The following MYO3B variants were observed in gnomAD, a reference collection of about 807,000 sequenced individuals.
The protein encoded by MYO3B is myosin IIIB.
In MYO3B, 156 loss-of-function variants were observed where a neutral mutation model predicts 174.6. That is an observed-to-expected ratio of 0.89 (90% CI 0.78 to 1.02). MYO3B has a LOEUF of 1.02. Among genes scored for constraint, MYO3B ranks in the 50% least tolerant of loss-of-function variants. The pLI is 0.00. For synonymous variants in MYO3B, 563 were observed against 569.1 expected, an observed-to-expected ratio of 0.99 and a Z score of 0.15; for missense variants, 1,632 against 1,639.4, an observed-to-expected ratio of 1.00 and a Z score of 0.08.
chr2:170,358,012 TGCG>T (rs1250128422), intron 8 of MYO3B, among the ~76,000 whole-genome samples: 1 of 151,314 alleles, frequency 6.6e-6, no homozygotes, highest in African/African-American at 2.4e-5. Context: ...AGTAGCCAGG[TGCG>T]GTGGGGAGCG....
At chr2:170,475,090 ACTCAGTC>A (rs2105993282) in intron 25 of MYO3B, among the ~76,000 whole-genome samples, 1 of 152,116 alleles carries the variant, frequency 6.6e-6, no homozygotes, top group African/African-American at 2.4e-5. Context: ...ATTAGAGAAA[ACTCAGTC>A]TATTCTGGCC....
Position 170,651,646 on chromosome 2 carries a change from C to A in MYO3B, c.3752C>A (p.Ala1251Glu), listed in dbSNP as rs1699018000. The A allele has an allele frequency of 6.2e-7, 1 of 1,613,974 alleles. No individual in the cohort carries two copies. The highest frequency in any genetic ancestry group is 2.2e-5 in the East Asian group (1 of 44,898). ...PQKPGSENGL[A>E]QKHRTPRRRC... ...TTTTCAGGTTCAGAAAATGGTCTTGCACAGAAGCATCGAACACCTCGCCGA... is the reference window on the plus strand; with the variant it reads ...TTTTCAGGTTCAGAAAATGGTCTTGAACAGAAGCATCGAACACCTCGCCGA... The change falls in exon 33 of 35, where the codon GCA becomes GAA. Residue 1251 changes from alanine to glutamate, a missense_variant. Physicochemically the swap from Ala to Glu is moderately radical, Grantham distance 107 (BLOSUM62 -1). Transcript: ENST00000408978.
intron 23 of MYO3B, among the ~76,000 whole-genome samples, chr2:170,444,728 C>T (rs2094827955): frequency 6.6e-6 from 1 of 152,142 alleles, no homozygotes; most frequent in African/African-American, 2.4e-5. Flanking sequence ...ATTTACTTTT[C>T]TTGAGAATAA....
intron 32 of MYO3B, among the ~76,000 whole-genome samples, chr2:170,587,972 C>G (rs1027171668): frequency 6.6e-6 from 1 of 152,138 alleles, no homozygotes; most frequent in Non-Finnish European, 1.5e-5. Context: ...AAATAGATCT[C>G]TACATGGACT....
chr2:170,446,498 GTTA>G (rs1303916434), intron 23 of MYO3B, among the ~76,000 whole-genome samples: 1 of 152,022 alleles, frequency 6.6e-6, no homozygotes, highest in Non-Finnish European at 1.5e-5. Flanking sequence ...ATATATTTAC[GTTA>G]TTAATAATAA....
chr2:170,614,081 G>A (rs557680985), intron 32 of MYO3B, among the ~76,000 whole-genome samples: 17 of 151,958 alleles, frequency 1.1e-4, no homozygotes, highest in African/African-American at 3.1e-4. Flanking sequence ...TTCAATCCTC[G>A]TGCTCTCTCT....
At chr2:170,651,014 G>T in intron 32 of MYO3B, among the ~76,000 whole-genome samples, 1 of 152,112 alleles carries the variant, frequency 6.6e-6, no homozygotes, top group South Asian at 2.1e-4. Flanking sequence ...CTTGGTCCAG[G>T]GTTCTGAAAT....
intron 7 of MYO3B, among the ~76,000 whole-genome samples, 200 bp from the exon 8 acceptor site, chr2:170,335,185 G>A (rs1456688926): frequency 6.6e-6 from 1 of 152,178 alleles, no homozygotes; most frequent in Non-Finnish European, 1.5e-5. Context: ...CAGGGACATA[G>A]TAGGTCTTCA....
chr2:170,624,249 A>G (rs545504769), intron 32 of MYO3B, among the ~76,000 whole-genome samples: 1 of 152,066 alleles, frequency 6.6e-6, no homozygotes, highest in Non-Finnish European at 1.5e-5. Context: ...TTTATTTCGT[A>G]GAGCAGTGGT....
At chr2:170,522,022 G>A (rs1688698300) in intron 30 of MYO3B, among the ~76,000 whole-genome samples, 1 of 152,120 alleles carries the variant, frequency 6.6e-6, no homozygotes, top group South Asian at 2.1e-4. Context: ...TTCTTCAGGT[G>A]CTTGCTCAGA....
chr2:170,569,803 G>A (rs953419102), intron 32 of MYO3B, among the ~76,000 whole-genome samples: 1 of 150,264 alleles, frequency 6.7e-6, no homozygotes. Flanking sequence ...GGAGGTTTCA[G>A]TGAGCTGAGA....
Position 170,569,907 on chromosome 2 carries a change from G to A in MYO3B, c.3733+25919G>A, listed in dbSNP as rs148729250. The stretch of plus-strand genomic sequence containing the variant: ...TAAGAAAACTGAGAGTCATGGAAAC[G>A]TTTTGCTCTTCTATTCCCTAAATCC... On this transcript the variant is annotated intron_variant, in intron 32 of 34. Coordinates refer to ENST00000408978, the MANE Select transcript of MYO3B (RefSeq NM_138995.5). 1.4e-4 allele frequency among the ~76,000 whole-genome samples: 21 copies of A among 150,278 alleles called. 1 individual carries two copies. The East Asian group carries it at 3.7e-3, about 27-fold the overall frequency.
chr2:170,230,363 A>G (rs187509119), intron 6 of MYO3B, among the ~76,000 whole-genome samples: 830 of 7,372 alleles, frequency 0.11, 45 homozygotes, highest in African/African-American at 0.24. Flanking sequence ...TTTTTTTTTT[A>G]GTAGAGACGG....
At chr2:170,429,704 A>G (rs2094693602) in intron 22 of MYO3B, among the ~76,000 whole-genome samples, 1 of 152,234 alleles carries the variant, frequency 6.6e-6, no homozygotes, top group South Asian at 2.1e-4. Flanking sequence ...TCTTTCAGAT[A>G]GAATACCTTC....
At chr2:170,208,936 T>C (rs181732832) in intron 3 of MYO3B, among the ~76,000 whole-genome samples, 128 of 152,308 alleles carry the variant, frequency 8.4e-4, no homozygotes, top group African/African-American at 3.0e-3. Flanking sequence ...CTCAAATACC[T>C]GTGAGTTGGG....
intron 1 of MYO3B, among the ~76,000 whole-genome samples, chr2:170,180,896 A>G (rs771080598): frequency 6.6e-6 from 1 of 152,194 alleles, no homozygotes; most frequent in Non-Finnish European, 1.5e-5. Flanking sequence ...AACAAATCTT[A>G]ATTGTATATT....
At chr2:170,546,922 G>T (rs995744596) in intron 32 of MYO3B, among the ~76,000 whole-genome samples, 2 of 152,090 alleles carry the variant, frequency 1.3e-5, no homozygotes, top group South Asian at 2.1e-4. Context: ...AGAGTGAGAG[G>T]CAGGGAATAA....
chr2:170,231,924 G>T (rs1039466352), intron 6 of MYO3B, among the ~76,000 whole-genome samples: 32 of 152,138 alleles, frequency 2.1e-4, no homozygotes, highest in African/African-American at 7.5e-4. Flanking sequence ...TATAGATAGA[G>T]AGAGGTCCTG....
intron 32 of MYO3B, among the ~76,000 whole-genome samples, chr2:170,614,800 C>T (rs1490963613): frequency 6.6e-6 from 1 of 152,152 alleles, no homozygotes; most frequent in African/African-American, 2.4e-5. Flanking sequence ...AATTCACAGG[C>T]CCTATCTCTT....
Sources: allele counts gnomAD v4.1 joint callset (sites outside exome capture counted in the v4.1 genomes callset), GRCh38; gene constraint gnomAD v4.1.1; transcripts MANE v1.5; gene names NCBI Gene and HGNC (gene_info 2026-07-23, HGNC 2026-07-21).